The following AFMID variants were observed in gnomAD, a reference collection of about 807,000 sequenced individuals.
The protein encoded by AFMID is arylformamidase, also known as kynurenine formamidase.
In AFMID, 39 loss-of-function variants were observed where a neutral mutation model predicts 47.5. The observed-to-expected ratio is 0.82, with a 90% CI of 0.64 to 1.07. AFMID has a LOEUF of 1.07. AFMID is among the 50% of genes least tolerant of loss of function. AFMID has a pLI of 0.00. For synonymous variants in AFMID, 130 were observed against 153.2 expected, an observed-to-expected ratio of 0.85 and a Z score of 1.12; for missense variants, 375 against 387.5, an observed-to-expected ratio of 0.97 and a Z score of 0.27.
At chr17:78,193,940 C>T (rs1437045905) in intron 2 of AFMID, among the ~76,000 whole-genome samples, 1 of 147,666 alleles carries the variant, frequency 6.8e-6, no homozygotes, top group Non-Finnish European at 1.5e-5. Flanking sequence ...CATGCCACTG[C>T]ACTCCAGCCT....
intron 1 of AFMID, chr17:78,190,592 A>G: frequency 5.5e-6 from 1 of 182,056 alleles, no homozygotes; most frequent in Non-Finnish European, 1.2e-5. Flanking sequence ...GGGTTTTGCC[A>G]TGTTGGCCAG....
Position 78,199,878 on chromosome 17 carries a change from G to A in AFMID, c.155-2621G>A, listed in dbSNP as rs150385065. On this transcript the variant is annotated intron_variant, in intron 2 of 10. Transcript: ENST00000409257. ...GGTGCCTGAGCACAGCTGTGAGAAG[G>A]GGGTATCTGGATCCTTGGGGTGACA... Among the ~76,000 whole-genome samples, 4 of 152,322 alleles carry A rather than the reference G, an allele frequency of 2.6e-5. No homozygotes were observed. In the South Asian group the frequency reaches 6.2e-4, roughly 24 times the overall value.
intron 2 of AFMID, among the ~76,000 whole-genome samples, chr17:78,194,737 A>T (rs1172101993): frequency 6.6e-6 from 1 of 152,008 alleles, no homozygotes; most frequent in Admixed American, 6.6e-5. Flanking sequence ...CTTGTTGTCC[A>T]GGCTTGGAGT....
intron 2 of AFMID, among the ~76,000 whole-genome samples, chr17:78,198,535 G>A (rs955665393): frequency 6.6e-6 from 1 of 151,770 alleles, no homozygotes; most frequent in Non-Finnish European, 1.5e-5. Context: ...TTGAACCCAG[G>A]AAGCAGAGGT....
intron 2 of AFMID, among the ~76,000 whole-genome samples, chr17:78,194,110 G>GTT (rs200914851): frequency 6.9e-6 from 1 of 145,340 alleles, no homozygotes; most frequent in Non-Finnish European, 1.5e-5. Context: ...TATGTATTGG[G>GTT]TTTTTTTTTT....
At position 78,202,521 on chromosome 17, in the gene AFMID, C is replaced by T. The variant is rs1567852577; in HGVS notation, c.177C>T (p.Thr59=). The T allele has an allele frequency of 1.2e-6, 2 of 1,613,980 alleles. No individual in the cohort carries two copies. The highest frequency in any genetic ancestry group is 1.6e-4 in the Middle Eastern group (1 of 6,082). ...CAGCCACCACAAGGGCCCGGGCCAC[C>T]AGGAAGAGCCTGCTGCATGTCCCCT... ...GIEATTRARA[T]RKSLLHVPYG... Residue 59 remains threonine, a synonymous_variant, in exon 3 of 11, where the codon ACC becomes ACT. Transcript: ENST00000409257.
Position 78,204,840 on chromosome 17 carries a change from A to G in AFMID, c.407A>G (p.His136Arg), listed in dbSNP as rs764562456. Residue 136 changes from histidine (H) to arginine (R), a missense_variant, in exon 6 of 11, where the codon CAC becomes CGC. Coordinates refer to ENST00000409257, the MANE Select transcript of AFMID (RefSeq NM_001010982.5). ...YGIAPKGTLD[H>R]MVDQVTRSVA... ...GCTCTCTGTGCAGGCACCCTGGACC[A>G]CATGGTAGACCAGGTGACCCGCAGC... 2.5e-5 allele frequency: 41 copies of G among 1,614,130 alleles called. No individual in the cohort carries two copies. The highest frequency in any genetic ancestry group is 1.6e-4 in the Middle Eastern group (1 of 6,084).
At chr17:78,190,747 T>C in intron 1 of AFMID, 3 of 488,042 alleles carry the variant, frequency 6.1e-6, no homozygotes, top group Non-Finnish European at 1.1e-5. Flanking sequence ...ATTAACTGAA[T>C]TCGTTTGGGG....
chr17:78,204,469 C>T (rs2076323966), intron 4 of AFMID, among the ~76,000 whole-genome samples, 187 bp from the exon 5 acceptor site: 1 of 152,130 alleles, frequency 6.6e-6, no homozygotes, highest in South Asian at 2.1e-4. Context: ...ATGAAGTTCC[C>T]CCAAGGTCCC....
chr17:78,201,033 G>C (rs2076230834), intron 2 of AFMID, among the ~76,000 whole-genome samples: 2 of 151,712 alleles, frequency 1.3e-5, no homozygotes, highest in Non-Finnish European at 2.9e-5. Context: ...ATCTCGCTCT[G>C]TCACCCAAGC....
Position 78,207,095 on chromosome 17 carries a change from G to A in AFMID, c.*158G>A, listed in dbSNP as rs188282083. 2.2e-4 allele frequency: 170 copies of A among 775,462 alleles called. 2 individuals are homozygous for A. In the African/African-American group the frequency reaches 2.7e-3, roughly 12 times the overall value. The allele number at this position is 775,462 out of a possible 1,614,324, so 48.0% of individuals were successfully genotyped here. On this transcript the variant is annotated 3_prime_UTR_variant, in exon 11 of 11. Coordinates refer to ENST00000409257, the MANE Select transcript of AFMID (RefSeq NM_001010982.5). The stretch of plus-strand genomic sequence containing the variant: ...GGCAAGAGTCCATTCTCACTGCTGG[G>A]ACACTCATGAAAATCTCCACGTCCT...
intron 2 of AFMID, among the ~76,000 whole-genome samples, chr17:78,191,513 A>C (rs1260575791): frequency 6.6e-6 from 1 of 152,064 alleles, no homozygotes; most frequent in African/African-American, 2.4e-5. Flanking sequence ...GCAAAACCCT[A>C]TCTCTACAAA....
intron 4 of AFMID, 106 bp from the exon 5 acceptor site, chr17:78,204,549 GT>G (rs2076326571): frequency 2.9e-6 from 3 of 1,033,780 alleles, no homozygotes; most frequent in Admixed American, 1.9e-5. Context: ...CCAGAAAGGG[GT>G]GATGCTGTGC....
chr17:78,201,674 T>C (rs1354335311), intron 2 of AFMID, among the ~76,000 whole-genome samples: 1 of 152,058 alleles, frequency 6.6e-6, no homozygotes, highest in Non-Finnish European at 1.5e-5. Flanking sequence ...TGTAGTAAAG[T>C]CGTGCTGAAA....
At chr17:78,194,125 CTTT>C (rs1433222203) in intron 2 of AFMID, among the ~76,000 whole-genome samples, 1 of 106,734 alleles carries the variant, frequency 9.4e-6, no homozygotes, top group Non-Finnish European at 2.0e-5. Flanking sequence ...TTTTTTTTTT[CTTT>C]GAGACAAGGC....
At position 78,204,764 on chromosome 17, in the gene AFMID, G is replaced by A. The variant is rs2076333066; in HGVS notation, c.394+23G>A. 6.2e-6 allele frequency: 10 copies of A among 1,614,208 alleles called. No individual in the cohort carries two copies. In the East Asian group the frequency reaches 2.0e-4, roughly 32 times the overall value. Reference sequence around the variant, plus strand: ...AAGGTAATAGGAGTGGTTGCTGCAGGTCCGAGGGCCGGTGGGCTTTAGGAG... The same window carrying A: ...AAGGTAATAGGAGTGGTTGCTGCAGATCCGAGGGCCGGTGGGCTTTAGGAG... On this transcript the variant is annotated intron_variant, in intron 5 of 10. Transcript: ENST00000409257.
chr17:78,195,436 C>A lies in AFMID; in HGVS notation c.154+4376C>A, dbSNP rs562912339. On this transcript the variant is annotated intron_variant, in intron 2 of 10. Coordinates refer to ENST00000409257, the MANE Select transcript of AFMID (RefSeq NM_001010982.5). ...TCTCAAACTCCTGGCCTCAGGTGAT[C>A]CGCCTGCCTCGACCTCCCAAAGTGC... 1.0e-3 allele frequency among the ~76,000 whole-genome samples: 156 copies of A among 151,732 alleles called. No homozygotes were observed. The Middle Eastern group carries it at 0.014, about 13-fold the overall frequency.
At position 78,191,074 on chromosome 17, in the gene AFMID, C is replaced by A; in HGVS notation, c.154+14C>A. 6.2e-7 allele frequency: 1 copy of A among 1,610,166 alleles called. No individual in the cohort carries two copies. Among genetic ancestry groups the A allele is most frequent in the Non-Finnish European group, 8.5e-7 (1 of 1,176,834 alleles). On this transcript the variant is annotated intron_variant, in intron 2 of 10. Coordinates refer to ENST00000409257, the MANE Select transcript of AFMID (RefSeq NM_001010982.5). Reference sequence around the variant, plus strand: ...TAGGAATTGAAGGTACTAGTGTGACCTCTCCGTGGCCGCATTGGGTGTCCT... The same window carrying A: ...TAGGAATTGAAGGTACTAGTGTGACATCTCCGTGGCCGCATTGGGTGTCCT...
chr17:78,189,388 A>G (rs1161455713), intron 1 of AFMID, among the ~76,000 whole-genome samples: 2 of 147,444 alleles, frequency 1.4e-5, no homozygotes, highest in African/African-American at 5.0e-5. Context: ...ATGCCCAGCT[A>G]ATTTTTGTAT....
Sources: allele counts gnomAD v4.1 joint callset (sites outside exome capture counted in the v4.1 genomes callset), GRCh38; gene constraint gnomAD v4.1.1; transcripts MANE v1.5; gene names NCBI Gene and HGNC (gene_info 2026-07-23, HGNC 2026-07-21).